The following EEFSEC variants were observed in gnomAD, a reference collection of about 807,000 sequenced individuals.
The protein encoded by EEFSEC is selenocysteine-specific elongation factor.
Under a neutral mutation model 42.1 loss-of-function variants are expected in EEFSEC, and 43 were observed. That is an observed-to-expected ratio of 1.02 (90% CI 0.80 to 1.32). The LOEUF (loss-of-function observed/expected upper bound fraction) is 1.32. EEFSEC is among the 40% of genes most tolerant of loss of function. The pLI is 0.00. For missense variants in EEFSEC, 745 were observed against 803.6 expected (o/e 0.93, Z 0.88); for synonymous variants, 354 against 339.1 (o/e 1.04, Z -0.48).
rs190069820 is a variant in EEFSEC at position 128,230,210 on chromosome 3, G to A, written c.317-16626G>A. Among the ~76,000 whole-genome samples the A allele has an allele frequency of 4.1e-5, 6 of 147,112 alleles. No individual in the cohort carries two copies. In the East Asian group the frequency reaches 8.8e-4, roughly 22 times the overall value. On this transcript the variant is annotated intron_variant, in intron 1 of 6. Transcript: ENST00000254730. The stretch of plus-strand genomic sequence containing the variant: ...GGCCCAGGCTGGAATACAGTGGCAC[G>A]ATCATAGCTCACTGCAACCTTGAAC...
chr3:128,278,105 G>T (rs2066487434), intron 4 of EEFSEC, among the ~76,000 whole-genome samples: 1 of 152,204 alleles, frequency 6.6e-6, no homozygotes, highest in African/African-American at 2.4e-5. Context: ...GGTTTTGCAG[G>T]GTGGGTGATG....
chr3:128,177,671 T>G (rs2065364784), intron 1 of EEFSEC, among the ~76,000 whole-genome samples: 1 of 152,276 alleles, frequency 6.6e-6, no homozygotes, highest in African/African-American at 2.4e-5. Context: ...TTCATTAAAC[T>G]CCAAAGAATC....
chr3:128,377,061 G>A (rs913719953), intron 6 of EEFSEC, among the ~76,000 whole-genome samples: 3 of 151,964 alleles, frequency 2.0e-5, no homozygotes, highest in Admixed American at 2.0e-4. Context: ...TAATAACCTA[G>A]AAGTATAATA....
At chr3:128,332,498 C>T (rs1056126948) in intron 4 of EEFSEC, among the ~76,000 whole-genome samples, 3 of 152,180 alleles carry the variant, frequency 2.0e-5, no homozygotes, top group African/African-American at 4.8e-5. Flanking sequence ...GTCACCCAGG[C>T]GGGAGTGCAA....
At chr3:128,273,313 G>A (rs2066433432) in intron 4 of EEFSEC, among the ~76,000 whole-genome samples, 1 of 152,214 alleles carries the variant, frequency 6.6e-6, no homozygotes, top group African/African-American at 2.4e-5. Flanking sequence ...AGGCACAGCT[G>A]AGGAAGGACA....
At chr3:128,280,141 G>A (rs1415385196) in intron 4 of EEFSEC, among the ~76,000 whole-genome samples, 2 of 152,178 alleles carry the variant, frequency 1.3e-5, no homozygotes, top group Non-Finnish European at 2.9e-5. Context: ...GTCCCATTAT[G>A]TAGGAAAACT....
chr3:128,402,788 G>A (rs2068063446), intron 6 of EEFSEC, among the ~76,000 whole-genome samples: 1 of 152,172 alleles, frequency 6.6e-6, no homozygotes, highest in Non-Finnish European at 1.5e-5. Flanking sequence ...TCAGGTTCTT[G>A]GAAAACCAGA....
chr3:128,258,376 C>A (rs962467001), intron 2 of EEFSEC, among the ~76,000 whole-genome samples: 1 of 152,208 alleles, frequency 6.6e-6, no homozygotes, highest in South Asian at 2.1e-4. Context: ...GACCAGAGTG[C>A]TGAGCTCTGG....
Position 128,341,480 on chromosome 3 carries a change from T to C in EEFSEC, c.1034T>C (p.Met345Thr), listed in dbSNP as rs775125202. Reference sequence around the variant, plus strand: ...ATTACAGTGGGCCATGAAACAGTCATGGGCCGGTTGATGTTCTTCAGTCCT... The same window carrying C: ...ATTACAGTGGGCCATGAAACAGTCACGGGCCGGTTGATGTTCTTCAGTCCT... ...FHITVGHETV[M>T]GRLMFFSPAP... The change falls in exon 5 of 7, where the codon ATG becomes ACG. Residue 345 changes from methionine (M) to threonine (T), a missense_variant. Transcript: ENST00000254730. The C allele has an allele frequency of 6.2e-7, 1 of 1,614,174 alleles. No individual in the cohort carries two copies. Among genetic ancestry groups the C allele is most frequent in the African/African-American group, 1.3e-5 (1 of 75,074 alleles).
At chr3:128,415,555 C>T in the EEFSEC span, among the ~76,000 whole-genome samples, 1 of 152,228 alleles carries the variant, frequency 6.6e-6, no homozygotes, top group Non-Finnish European at 1.5e-5. Context: ...GGATCCACTC[C>T]CGCACTGGCC....
chr3:128,392,191 G>A (rs1293413695), intron 6 of EEFSEC, among the ~76,000 whole-genome samples: 1 of 152,218 alleles, frequency 6.6e-6, no homozygotes, highest in African/African-American at 2.4e-5. Flanking sequence ...GGGACCCAGA[G>A]TGGGAGTTAG....
At position 128,317,731 on chromosome 3, in the gene EEFSEC, T is replaced by A. The variant is rs2066962807; in HGVS notation, c.787-23502T>A. Among the ~76,000 whole-genome samples the A allele has an allele frequency of 6.6e-6, 1 of 152,242 alleles. No homozygotes were observed. On this transcript the variant is annotated intron_variant, in intron 4 of 6. Coordinates refer to ENST00000254730, the MANE Select transcript of EEFSEC (RefSeq NM_021937.5). This position sits in a 1 kb window ranked among gnomAD's most constrained non-coding sequence, Gnocchi z 4.1. ...TCAGCTGCAGCCATTTGTGCTCACG[T>A]ACCATTCTCTCGCCGGCTGCTGACC...
At chr3:128,342,187 T>G in intron 5 of EEFSEC, among the ~76,000 whole-genome samples, 1 of 152,326 alleles carries the variant, frequency 6.6e-6, no homozygotes, top group South Asian at 2.1e-4. Context: ...CCCATGGGTC[T>G]GAGCAGGTCT....
intron 1 of EEFSEC, among the ~76,000 whole-genome samples, chr3:128,239,091 A>G (rs536603868): frequency 3.3e-5 from 5 of 152,300 alleles, no homozygotes; most frequent in East Asian, 1.9e-4. Flanking sequence ...GGGCAGTTCA[A>G]ACAAAAAGGA....
At chr3:128,256,303 T>C (rs1289700626) in intron 2 of EEFSEC, among the ~76,000 whole-genome samples, 3 of 152,176 alleles carry the variant, frequency 2.0e-5, no homozygotes, top group Non-Finnish European at 2.9e-5. Context: ...GTAGCTACAG[T>C]AGTAGAAGAT....
intron 1 of EEFSEC, among the ~76,000 whole-genome samples, chr3:128,244,165 C>T (rs888291228): frequency 6.6e-6 from 1 of 152,214 alleles, no homozygotes; most frequent in Non-Finnish European, 1.5e-5. Context: ...CCAACGTGTT[C>T]CTCCCTCCTT....
At chr3:128,266,531 G>T (rs185410610) in intron 4 of EEFSEC, among the ~76,000 whole-genome samples, 6 of 152,004 alleles carry the variant, frequency 3.9e-5, no homozygotes, top group African/African-American at 1.4e-4. Context: ...GGGGCCAGGG[G>T]TATTAGGGAA....
intron 1 of EEFSEC, among the ~76,000 whole-genome samples, chr3:128,181,570 G>A (rs920118735): frequency 2.6e-5 from 4 of 152,204 alleles, no homozygotes; most frequent in Non-Finnish European, 4.4e-5. Context: ...TAGTGGAGAC[G>A]GCGATAAGGA....
rs201824052 is a variant in EEFSEC at position 128,341,184 on chromosome 3, G to A, written c.787-49G>A. ...CTGCAGCTCCCCTCTCCTCCCCACA[G>A]CCCCGAGGCTTGTTGGTTTCATGTG... On this transcript the variant is annotated intron_variant, in intron 4 of 6. Coordinates refer to ENST00000254730, the MANE Select transcript of EEFSEC (RefSeq NM_021937.5). The A allele has an allele frequency of 3.6e-5, 56 of 1,549,514 alleles. No homozygotes were observed. The East Asian group carries it at 1.2e-3, about 33-fold the overall frequency.
Sources: allele counts gnomAD v4.1 joint callset (sites outside exome capture counted in the v4.1 genomes callset), GRCh38; gene constraint gnomAD v4.1.1; non-coding constraint Gnocchi (gnomAD v3.1); transcripts MANE v1.5; gene names NCBI Gene and HGNC (gene_info 2026-07-23, HGNC 2026-07-21).